SORCS2: variants seen among roughly 807,000 people sequenced by gnomAD.
The protein encoded by SORCS2 is VPS10 domain-containing receptor SorCS2.
A neutral mutation model predicts 141.6 loss-of-function variants in SORCS2; 100 were observed. That is an observed-to-expected ratio of 0.71 (90% CI 0.60 to 0.83). The LOEUF is 0.83. Among genes scored for constraint, SORCS2 ranks in the 40% least tolerant of loss-of-function variants. The pLI, the probability that SORCS2 is intolerant of heterozygous loss-of-function variation, is 0.00. For synonymous variants in SORCS2, 789 were observed against 676.9 expected (o/e 1.17, Z -2.57); for missense variants, 1,646 against 1,560.2 (o/e 1.05, Z -0.93).
At chr4:7,504,272 C>T (rs1577668937) in intron 2 of SORCS2, among the ~76,000 whole-genome samples, 1 of 152,182 alleles carries the variant, frequency 6.6e-6, no homozygotes, top group South Asian at 2.1e-4. Context: ...AATTCAAACT[C>T]AAATGCCTTT....
chr4:7,283,292 CGAGGAGAGA>C (rs1560163044), intron 1 of SORCS2, among the ~76,000 whole-genome samples: 2 of 152,164 alleles, frequency 1.3e-5, no homozygotes, highest in Admixed American at 1.3e-4. Context: ...GGGAGAGGGT[CGAGGAGAGA>C]ATGACTTGAG....
chr4:7,378,405 G>A (rs1287479600), intron 1 of SORCS2, among the ~76,000 whole-genome samples: 3 of 152,128 alleles, frequency 2.0e-5, no homozygotes, highest in Admixed American at 1.3e-4. Flanking sequence ...CCACATGGCT[G>A]GGGAGGCCTC....
intron 1 of SORCS2, among the ~76,000 whole-genome samples, chr4:7,378,310 G>A (rs2109061956): frequency 6.6e-6 from 1 of 152,234 alleles, no homozygotes; most frequent in South Asian, 2.1e-4. Context: ...ACCTTTTTGG[G>A]GCTCTGTATT....
chr4:7,581,541 G>T (rs961819901), intron 3 of SORCS2, among the ~76,000 whole-genome samples: 3 of 152,160 alleles, frequency 2.0e-5, no homozygotes, highest in Non-Finnish European at 4.4e-5. Context: ...TGGAGGAGGA[G>T]CCCCCGTTGT....
intron 2 of SORCS2, among the ~76,000 whole-genome samples, chr4:7,403,975 ATATATATATATATATATATATATTTTT>A (rs1724765360): frequency 2.3e-5 from 1 of 44,018 alleles, no homozygotes; most frequent in African/African-American, 7.8e-5. Context: ...ATATATATAT[ATATATATATATATATATATATATTTTT>A]TTTTTTTTTT....
intron 2 of SORCS2, among the ~76,000 whole-genome samples, chr4:7,515,717 G>T (rs532011531): frequency 3.3e-5 from 5 of 152,296 alleles, no homozygotes; most frequent in African/African-American, 1.2e-4. Context: ...CAAGGTGGGG[G>T]TGGGGCTCAG....
At chr4:7,531,495 G>T in intron 2 of SORCS2, 35 bp from the exon 3 acceptor site, 1 of 1,599,570 alleles carries the variant, frequency 6.3e-7, no homozygotes, top group Non-Finnish European at 8.6e-7. Flanking sequence ...CACTTGGAGG[G>T]TACATGGCTG....
intron 3 of SORCS2, among the ~76,000 whole-genome samples, chr4:7,616,198 A>G (rs1007120818): frequency 1.8e-4 from 27 of 151,964 alleles, no homozygotes; most frequent in African/African-American, 6.0e-4. Context: ...TAGCCAAATA[A>G]TTACCTTCAT....
intron 3 of SORCS2, among the ~76,000 whole-genome samples, chr4:7,632,845 C>T (rs1376028693): frequency 2.6e-5 from 4 of 152,072 alleles, no homozygotes; most frequent in African/African-American, 7.2e-5. Context: ...GGCTGTTAGC[C>T]TGTGTATGCA....
chr4:7,252,668 C>T (rs75866053), intron 1 of SORCS2, among the ~76,000 whole-genome samples: 1 of 152,034 alleles, frequency 6.6e-6, no homozygotes, highest in Admixed American at 6.5e-5. Context: ...AACCAGGATG[C>T]TTCTGAGAGG....
At chr4:7,641,869 TG>T (rs1560449857) in intron 4 of SORCS2, among the ~76,000 whole-genome samples, 2 of 129,606 alleles carry the variant, frequency 1.5e-5, no homozygotes, top group African/African-American at 2.9e-5. Flanking sequence ...GATGGGTGGG[TG>T]GGTGGATGGA....
intron 8 of SORCS2, among the ~76,000 whole-genome samples, chr4:7,672,913 T>G (rs1361134950): frequency 1.3e-5 from 2 of 152,222 alleles, no homozygotes; most frequent in Non-Finnish European, 2.9e-5. Flanking sequence ...TTTCTGTTAC[T>G]CACAAGCAAA....
At chr4:7,219,832 A>G (rs1470995846) in intron 1 of SORCS2, among the ~76,000 whole-genome samples, 8 of 68,838 alleles carry the variant, frequency 1.2e-4, no homozygotes, top group African/African-American at 4.1e-4. Context: ...CCCGCAGGGC[A>G]GGAGGACCCT....
chr4:7,313,770 G>T (rs961247567), intron 1 of SORCS2, among the ~76,000 whole-genome samples: 25 of 152,168 alleles, frequency 1.6e-4, no homozygotes, highest in African/African-American at 6.0e-4. Context: ...GCTGGATGAT[G>T]TCACCCCCCT....
At chr4:7,420,496 G>A (rs1037655161) in intron 2 of SORCS2, among the ~76,000 whole-genome samples, 4 of 152,290 alleles carry the variant, frequency 2.6e-5, no homozygotes, top group Admixed American at 2.6e-4. Context: ...GTGGACATGT[G>A]GGGGCACTGG....
intron 8 of SORCS2, among the ~76,000 whole-genome samples, chr4:7,667,526 G>C (rs182319297): frequency 5.1e-4 from 77 of 152,282 alleles, no homozygotes; most frequent in African/African-American, 1.8e-3. Context: ...AGGCCCCCCA[G>C]GCGGGCCCAG....
At chr4:7,609,506 C>G (rs983562192) in intron 3 of SORCS2, among the ~76,000 whole-genome samples, 1 of 152,204 alleles carries the variant, frequency 6.6e-6, no homozygotes, top group African/African-American at 2.4e-5. Context: ...CCCGTCCAGC[C>G]CCTGTGGTTT....
At chr4:7,323,244 T>C (rs1024366625) in intron 1 of SORCS2, among the ~76,000 whole-genome samples, 7 of 152,180 alleles carry the variant, frequency 4.6e-5, no homozygotes, top group African/African-American at 1.7e-4. Context: ...CAAAACTGAA[T>C]GTAAGATGAG....
intron 2 of SORCS2, chr4:7,434,718 C>G: frequency 6.2e-7 from 1 of 1,612,950 alleles, no homozygotes; most frequent in East Asian, 2.2e-5. Context: ...TGGGTTTGTT[C>G]CATACGGCCC....
Sources: allele counts gnomAD v4.1 joint callset (sites outside exome capture counted in the v4.1 genomes callset), GRCh38; gene constraint gnomAD v4.1.1; transcripts MANE v1.5; gene names NCBI Gene and HGNC (gene_info 2026-07-23, HGNC 2026-07-21).